The following RUNX1 variants were observed in gnomAD, a reference collection of about 807,000 sequenced individuals.
The protein encoded by RUNX1 is runt-related transcription factor 1.
Under a neutral mutation model 42.8 loss-of-function variants are expected in RUNX1, and 19 were observed. That is an observed-to-expected ratio of 0.44 (90% CI 0.31 to 0.65). The LOEUF is 0.65. RUNX1 is among the 30% of genes least tolerant of loss of function. The pLI is 0.07. For missense variants in RUNX1, 528 were observed against 672.0 expected (o/e 0.79, Z 2.37); for synonymous variants, 271 against 289.4 (o/e 0.94, Z 0.64).
chr21:34,950,956 T>C (rs1383868325), intron 2 of RUNX1, among the ~76,000 whole-genome samples: 1 of 152,230 alleles, frequency 6.6e-6, no homozygotes, highest in Non-Finnish European at 1.5e-5. Context: ...TTTATTGACA[T>C]TTAGTGAACG....
intron 2 of RUNX1, among the ~76,000 whole-genome samples, chr21:35,015,242 G>T (rs1009984836): frequency 2.0e-5 from 3 of 152,196 alleles, no homozygotes; most frequent in Non-Finnish European, 2.9e-5. Context: ...AACTCAGAGG[G>T]TTGCTGTGAG....
At chr21:34,999,067 C>T (rs905202061) in intron 2 of RUNX1, among the ~76,000 whole-genome samples, 1 of 152,196 alleles carries the variant, frequency 6.6e-6, no homozygotes, top group East Asian at 1.9e-4. Context: ...GTTGTGCTGG[C>T]CATCAGCACT....
Position 34,943,795 on chromosome 21 carries a change from A to G in RUNX1, c.59-50832T>C, listed in dbSNP as rs140422532. 2.4e-4 allele frequency among the ~76,000 whole-genome samples: 37 copies of G among 152,296 alleles called. No individual in the cohort carries two copies. The East Asian group carries it at 6.6e-3, about 27-fold the overall frequency. ...GGGAGAAAATTTGGAACCCTCGCAA[A>G]TCCTCCTACACAAATGTTGAGCTAA... is the stretch of plus-strand genomic sequence containing the variant. On this transcript the variant is annotated intron_variant, in intron 2 of 8. Coordinates refer to ENST00000675419, the MANE Select transcript of RUNX1 (RefSeq NM_001754.5).
At chr21:34,794,026 C>T (rs944125603) in intron 8 of RUNX1, among the ~76,000 whole-genome samples, 28 of 151,718 alleles carry the variant, frequency 1.8e-4, no homozygotes, top group Non-Finnish European at 2.9e-4. Flanking sequence ...TTCTCTGGCC[C>T]CTTACAGAAA....
At chr21:34,986,302 G>A (rs1218016657) in intron 2 of RUNX1, among the ~76,000 whole-genome samples, 8 of 151,870 alleles carry the variant, frequency 5.3e-5, no homozygotes, top group Non-Finnish European at 1.0e-4. Context: ...GGCACTGTTT[G>A]TTTCCTCAAA....
At chr21:34,875,890 T>A (rs556992571) in intron 5 of RUNX1, among the ~76,000 whole-genome samples, 90 of 152,296 alleles carry the variant, frequency 5.9e-4, no homozygotes, top group Non-Finnish European at 1.0e-3. Flanking sequence ...AATTTAAGAA[T>A]GAAAATGCCT....
intron 2 of RUNX1, 134 bp from the exon 3 acceptor site, chr21:34,893,097 A>C (rs1344531441): frequency 1.5e-6 from 1 of 658,204 alleles, no homozygotes; most frequent in African/African-American, 1.8e-5. Context: ...TTTGACACAA[A>C]AATGACTTGA....
intron 5 of RUNX1, among the ~76,000 whole-genome samples, chr21:34,863,599 G>C (rs2057609575): frequency 7.1e-6 from 1 of 141,160 alleles, no homozygotes; most frequent in Non-Finnish European, 1.5e-5. Flanking sequence ...CTGTCTCCTG[G>C]GCTGGAGTGC....
At chr21:34,914,227 T>C (rs145725491) in intron 2 of RUNX1, among the ~76,000 whole-genome samples, 1 of 152,292 alleles carries the variant, frequency 6.6e-6, no homozygotes. Flanking sequence ...GATCCATTCA[T>C]TGACATTCCA....
At chr21:34,959,175 A>G (rs959006025) in intron 2 of RUNX1, among the ~76,000 whole-genome samples, 3 of 151,984 alleles carry the variant, frequency 2.0e-5, no homozygotes, top group Admixed American at 1.3e-4. Context: ...CATTGTGCAC[A>G]TGTACCCTAA....
intron 2 of RUNX1, among the ~76,000 whole-genome samples, chr21:35,006,115 A>G (rs967581958): frequency 2.0e-5 from 3 of 152,182 alleles, no homozygotes; most frequent in African/African-American, 7.2e-5. Context: ...TATTAAGGTC[A>G]CCAGGCCTTT....
intron 3 of RUNX1, chr21:34,888,469 G>T: frequency 9.4e-7 from 1 of 1,066,452 alleles, no homozygotes; most frequent in Non-Finnish European, 1.1e-6. Context: ...ATCCAGCCAA[G>T]AAGCCAGTTA....
At chr21:34,976,002 T>A (rs1349365564) in intron 2 of RUNX1, among the ~76,000 whole-genome samples, 1 of 152,150 alleles carries the variant, frequency 6.6e-6, no homozygotes, top group Non-Finnish European at 1.5e-5. Flanking sequence ...TATCAAATAT[T>A]TTTGAGTCAG....
At chr21:34,884,562 T>C (rs1251881778) in intron 4 of RUNX1, among the ~76,000 whole-genome samples, 1 of 152,232 alleles carries the variant, frequency 6.6e-6, no homozygotes, top group African/African-American at 2.4e-5. Context: ...GGTGGGCAGA[T>C]AGAGTGAAGC....
chr21:34,952,191 A>G (rs917558375), intron 2 of RUNX1, among the ~76,000 whole-genome samples: 1 of 152,132 alleles, frequency 6.6e-6, no homozygotes, highest in Non-Finnish European at 1.5e-5. Flanking sequence ...ACACATGGAC[A>G]TAGGGAGAGG....
intron 2 of RUNX1, among the ~76,000 whole-genome samples, chr21:34,960,912 A>G (rs1276217427): frequency 6.6e-6 from 1 of 152,164 alleles, no homozygotes; most frequent in Non-Finnish European, 1.5e-5. Flanking sequence ...CTGCCTGCAA[A>G]GGTCCCCTCT....
At chr21:34,893,997 C>T (rs781057723) in intron 2 of RUNX1, among the ~76,000 whole-genome samples, 13 of 151,540 alleles carry the variant, frequency 8.6e-5, no homozygotes, top group African/African-American at 2.2e-4. Flanking sequence ...CAAAAAAAAA[C>T]GAGATTGTGG....
At chr21:34,836,938 T>C (rs973712869) in intron 6 of RUNX1, among the ~76,000 whole-genome samples, 3 of 152,218 alleles carry the variant, frequency 2.0e-5, no homozygotes, top group Non-Finnish European at 4.4e-5. Context: ...ACAGGAATCA[T>C]CATTCCAGGT....
intron 2 of RUNX1, among the ~76,000 whole-genome samples, chr21:34,937,613 T>C (rs781477197): frequency 1.3e-4 from 19 of 151,964 alleles, no homozygotes; most frequent in Non-Finnish European, 2.8e-4. Context: ...TTCTGAGAAA[T>C]TGGATCAGAA....
Sources: allele counts gnomAD v4.1 joint callset (sites outside exome capture counted in the v4.1 genomes callset), GRCh38; gene constraint gnomAD v4.1.1; transcripts MANE v1.5; gene names NCBI Gene and HGNC (gene_info 2026-07-23, HGNC 2026-07-21).